Variants in PTPN3 observed in about 807,000 individuals in gnomAD.
PTPN3 encodes tyrosine-protein phosphatase non-receptor type 3.
PTPN3 carries 96 observed loss-of-function variants against 132.7 expected under a neutral mutation model. The ratio of observed to expected loss-of-function variants is 0.72; its 90% confidence interval spans 0.61 to 0.86. The LOEUF is 0.86. PTPN3 is among the 40% of genes least tolerant of loss of function. The pLI, the probability that PTPN3 is intolerant of heterozygous loss-of-function variation, is 0.00. For missense variants in PTPN3, 1,125 were observed against 1,159.6 expected, an observed-to-expected ratio of 0.97 and a Z score of 0.43; for synonymous variants, 398 against 429.0, an observed-to-expected ratio of 0.93 and a Z score of 0.89.
At position 109,377,702 on chromosome 9, in the gene PTPN3, C is replaced by G. The variant is rs1389527113; in HGVS notation, c.*1854G>C. 10 of 152,190 alleles carry G rather than the reference C, an allele frequency of 6.6e-5. No homozygotes were observed. Among genetic ancestry groups the G allele is most frequent in the Admixed American group, 1.3e-4 (2 of 15,274 alleles). The allele number at this position is 152,190 out of a possible 1,614,324, so 9.4% of individuals were successfully genotyped here. A position where few individuals can be genotyped will look rare whatever the true frequency, so the allele number is the denominator to read the frequency against. ...ACTTTTCTAAGTAACTCACCCACAGCAGTGTCTGTTGCTGTTCTAGCCGAT... is the reference window on the plus strand; with the variant it reads ...ACTTTTCTAAGTAACTCACCCACAGGAGTGTCTGTTGCTGTTCTAGCCGAT... On this transcript the variant is annotated 3_prime_UTR_variant, in exon 26 of 26. Transcript: ENST00000374541.
chr9:109,510,775 C>T, the PTPN3 span, among the ~76,000 whole-genome samples: 1 of 151,188 alleles, frequency 6.6e-6, no homozygotes, highest in Non-Finnish European at 1.5e-5. Context: ...GATAGTGGTT[C>T]TCAAACTCCA....
intron 5 of PTPN3, among the ~76,000 whole-genome samples, chr9:109,452,964 G>A (rs1845352723): frequency 6.6e-6 from 1 of 152,188 alleles, no homozygotes; most frequent in East Asian, 1.9e-4. Flanking sequence ...GTCAGCTTAT[G>A]AAGTAACCTG....
In PTPN3 at chr9:109,404,564, G is replaced by A; in HGVS notation, c.1837C>T (p.Gln613Ter). The A allele has an allele frequency of 6.4e-7, 1 of 1,563,146 alleles. No homozygotes were observed. Among genetic ancestry groups the A allele is most frequent in the East Asian group, 2.3e-5 (1 of 43,840 alleles). Residue 613 changes from glutamine to a stop codon, truncating the protein, a stop_gained, in exon 19 of 26, where the codon CAG (glutamine) becomes TAG (stop). Transcript: ENST00000374541. LOFTEE classifies it high-confidence loss of function. ...GGGAAAATGGCTTCGGGGAAAAGCT[G>A]GTTCAGTTCATCTTCAGACTTGAAG... ...ADFKSEDELNQLFPEAIFPMC... is the reference protein window; with the variant it reads ...ADFKSEDELN
chr9:109,463,334 T>C lies in PTPN3; in HGVS notation c.101A>G (p.His34Arg). ...GGTCTGTACCACGCCATCTAAAAAG[T>C]GGATGCTGCAAATGACTTCTGATCG... ...KTRSEVICSI[H>R]FLDGVVQTFK... is the part of the protein sequence containing the mutation. Residue 34 changes from histidine to arginine, a missense_variant, in exon 2 of 26, where the codon CAC (histidine) becomes CGC (arginine). Physicochemically the swap from His to Arg is conservative, Grantham distance 29 (BLOSUM62 0). Transcript: ENST00000374541. The C allele has an allele frequency of 1.7e-5, 28 of 1,613,704 alleles. No homozygotes were observed. Among genetic ancestry groups the C allele is most frequent in the Non-Finnish European group, 2.3e-5 (27 of 1,179,916 alleles).
At chr9:109,416,015 T>C (rs933191725) in intron 14 of PTPN3, among the ~76,000 whole-genome samples, 2 of 152,162 alleles carry the variant, frequency 1.3e-5, no homozygotes, top group African/African-American at 4.8e-5. Flanking sequence ...GGGGGACATG[T>C]AGAATGGTAT....
chr9:109,536,945 C>G, the PTPN3 span, among the ~76,000 whole-genome samples: 6 of 152,094 alleles, frequency 3.9e-5, no homozygotes, highest in African/African-American at 1.4e-4. Flanking sequence ...CCCCCCACCC[C>G]CCAATATGAA....
chr9:109,447,941 C>T (rs773740509), intron 6 of PTPN3, among the ~76,000 whole-genome samples: 3 of 152,250 alleles, frequency 2.0e-5, no homozygotes, highest in East Asian at 1.9e-4. Flanking sequence ...GTGGGACTGT[C>T]GGGGGTGGGG....
the PTPN3 span, among the ~76,000 whole-genome samples, chr9:109,507,200 A>G: frequency 0.29 from 43,688 of 152,100 alleles, 6,547 homozygotes; most frequent in South Asian, 0.31. Context: ...GGATAAGGAT[A>G]AAAGAAAAGG....
intron 1 of PTPN3, among the ~76,000 whole-genome samples, chr9:109,494,053 G>C (rs1847576222): frequency 6.6e-6 from 1 of 152,056 alleles, no homozygotes; most frequent in African/African-American, 2.4e-5. Flanking sequence ...CAGTGGCATT[G>C]CTCCCATCCA....
rs749220165 is a variant in PTPN3 at position 109,445,288 on chromosome 9, T to G, written c.418A>C (p.Thr140Pro). 2.5e-6 allele frequency: 4 copies of G among 1,613,318 alleles called. No homozygotes were observed. The African/African-American group carries it at 4.0e-5, about 16-fold the overall frequency. The change falls in exon 7 of 26, where the codon ACC becomes CCC. Residue 140 changes from threonine (T) to proline (P), a missense_variant. Coordinates refer to ENST00000374541, the MANE Select transcript of PTPN3 (RefSeq NM_002829.4). The part of the protein sequence containing the change: ...LKMDICEGRL[T>P]CPLNSAVVLA... ...ACCACTGCTGAGTTAAGAGGGCAGG[T>G]TAACCTGTCAGGAGAAAAACATATT...
chr9:109,477,190 C>G (rs1017960186), intron 1 of PTPN3, among the ~76,000 whole-genome samples: 1 of 152,130 alleles, frequency 6.6e-6, no homozygotes, highest in Non-Finnish European at 1.5e-5. Flanking sequence ...AAACGGAGCC[C>G]CACACTTAGT....
chr9:109,393,946 T>C (rs1840352204), intron 19 of PTPN3, among the ~76,000 whole-genome samples: 1 of 152,220 alleles, frequency 6.6e-6, no homozygotes, highest in African/African-American at 2.4e-5. Flanking sequence ...ATTTGCCAAA[T>C]GTCTAGAATT....
chr9:109,506,184 G>A, the PTPN3 span, among the ~76,000 whole-genome samples: 1 of 151,536 alleles, frequency 6.6e-6, no homozygotes, highest in South Asian at 2.1e-4. Context: ...TTGACCTTGG[G>A]TCTCTGATGT....
At chr9:109,534,716 C>G in the PTPN3 span, among the ~76,000 whole-genome samples, 6 of 150,704 alleles carry the variant, frequency 4.0e-5, no homozygotes, top group South Asian at 1.3e-3. Flanking sequence ...GCAGGAGAAT[C>G]GCTTGAACCC....
chr9:109,457,075 A>G, intron 4 of PTPN3, 98 bp downstream of exon 4: 1 of 1,272,604 alleles, frequency 7.9e-7, no homozygotes, highest in Non-Finnish European at 1.1e-6. Context: ...CCGGAACTAC[A>G]GGTACCAGAT....
At chr9:109,461,525 G>A (rs1302323369) in intron 2 of PTPN3, among the ~76,000 whole-genome samples, 1 of 152,188 alleles carries the variant, frequency 6.6e-6, no homozygotes, top group African/African-American at 2.4e-5. Context: ...GGAAGCTAAA[G>A]TGGGAGGGTC....
At chr9:109,401,262 ACCT>A (rs1315534573) in intron 19 of PTPN3, among the ~76,000 whole-genome samples, 2 of 151,708 alleles carry the variant, frequency 1.3e-5, no homozygotes, top group Non-Finnish European at 2.9e-5. Flanking sequence ...TTGGGTCTTC[ACCT>A]CCTCTCCTCT....
intron 6 of PTPN3, among the ~76,000 whole-genome samples, chr9:109,447,998 A>C (rs1454158013): frequency 6.6e-6 from 1 of 152,136 alleles, no homozygotes; most frequent in Admixed American, 6.5e-5. Flanking sequence ...TTCTCTACCC[A>C]ACCCAATTCT....
intron 19 of PTPN3, among the ~76,000 whole-genome samples, chr9:109,396,193 A>C (rs551829556): frequency 6.6e-6 from 1 of 152,256 alleles, no homozygotes; most frequent in South Asian, 2.1e-4. Flanking sequence ...ACTCTTCTCC[A>C]GGCCCTGTGG....
Sources: allele counts gnomAD v4.1 joint callset (sites outside exome capture counted in the v4.1 genomes callset), GRCh38; gene constraint gnomAD v4.1.1; transcripts MANE v1.5; gene names NCBI Gene and HGNC (gene_info 2026-07-23, HGNC 2026-07-21).